Variants in XKR6 observed in about 807,000 individuals in gnomAD.
XKR6 encodes XK-related protein 6.
In XKR6, 22 loss-of-function variants were observed where a neutral mutation model predicts 56.7. That is an observed-to-expected ratio of 0.39 (90% CI 0.28 to 0.55). XKR6 has a LOEUF of 0.55. XKR6 is among the 20% of genes least tolerant of loss of function. XKR6 has a pLI of 0.66. For synonymous variants in XKR6, 524 were observed against 387.8 expected (o/e 1.35, Z -4.13); for missense variants, 852 against 889.0 (o/e 0.96, Z 0.53).
chr8:11,083,595 G>T (rs1156969157), intron 1 of XKR6, among the ~76,000 whole-genome samples: 1 of 152,176 alleles, frequency 6.6e-6, no homozygotes, highest in Non-Finnish European at 1.5e-5. Flanking sequence ...GGGGGGCCTG[G>T]GGATGCTTCA....
At chr8:10,977,066 C>T (rs1395658379) in intron 1 of XKR6, among the ~76,000 whole-genome samples, 1 of 152,146 alleles carries the variant, frequency 6.6e-6, no homozygotes, top group African/African-American at 2.4e-5. Flanking sequence ...GGCCAGGTGA[C>T]ATGCCCAAGA....
intron 1 of XKR6, chr8:11,123,766 A>AT (rs1799601340): frequency 2.3e-6 from 1 of 432,680 alleles, no homozygotes; most frequent in Non-Finnish European, 4.7e-6. Flanking sequence ...AAAACAAAAA[A>AT]TGAAAAACAA....
intron 1 of XKR6, among the ~76,000 whole-genome samples, chr8:11,190,204 A>AAAAGAAAGAAAGAAAGAAAGAAAAG (rs34031400): frequency 3.3e-5 from 4 of 120,924 alleles, no homozygotes; most frequent in African/African-American, 1.5e-4. Context: ...AGAAAGAAAG[A>AAAAGAAAGAAAGAAAGAAAGAAAAG]AAAGAAAGAA....
chr8:11,107,932 G>A (rs7832722), intron 1 of XKR6: 82,796 of 260,770 alleles, frequency 0.32, 14,875 homozygotes, highest in Non-Finnish European at 0.4. Flanking sequence ...CCTCCCGCAT[G>A]TGCGGCGGCA....
chr8:11,157,769 C>G (rs1801593284), intron 1 of XKR6, among the ~76,000 whole-genome samples: 1 of 152,148 alleles, frequency 6.6e-6, no homozygotes, highest in Non-Finnish European at 1.5e-5. Context: ...TCCATCTTGG[C>G]CTCCGAAAGT....
At chr8:11,028,720 A>T (rs906244910) in intron 1 of XKR6, among the ~76,000 whole-genome samples, 1 of 152,196 alleles carries the variant, frequency 6.6e-6, no homozygotes, top group Non-Finnish European at 1.5e-5. Context: ...ATTACAGCTC[A>T]TGGCAAGCAC....
chr8:11,136,468 C>T (rs1048311062), intron 1 of XKR6, among the ~76,000 whole-genome samples: 3 of 149,074 alleles, frequency 2.0e-5, no homozygotes, highest in African/African-American at 7.4e-5. Context: ...TGCGCCATTG[C>T]ACTCCAGCCC....
intron 1 of XKR6, among the ~76,000 whole-genome samples, chr8:11,162,940 A>C (rs1197265333): frequency 1.3e-5 from 2 of 152,248 alleles, no homozygotes. Context: ...CCTTATTCTC[A>C]GTCTAGCTAA....
intron 1 of XKR6, among the ~76,000 whole-genome samples, chr8:11,023,969 C>T (rs1247039703): frequency 6.6e-6 from 1 of 152,182 alleles, no homozygotes; most frequent in African/African-American, 2.4e-5. Flanking sequence ...ATTGTGGCTG[C>T]AGATGAGCTT....
intron 1 of XKR6, among the ~76,000 whole-genome samples, chr8:10,944,721 C>T (rs183033897): frequency 2.1e-4 from 32 of 152,314 alleles, no homozygotes; most frequent in African/African-American, 7.5e-4. Flanking sequence ...CCACCCTGCA[C>T]ACACCCTGCC....
chr8:11,183,943 A>C (rs1208856165), intron 1 of XKR6, among the ~76,000 whole-genome samples: 1 of 152,186 alleles, frequency 6.6e-6, no homozygotes, highest in Non-Finnish European at 1.5e-5. Flanking sequence ...ACAAGTCAGG[A>C]CTGTCTGTAG....
chr8:10,900,964 C>G, intron 2 of XKR6, among the ~76,000 whole-genome samples: 1 of 149,978 alleles, frequency 6.7e-6, no homozygotes, highest in Admixed American at 6.7e-5. Flanking sequence ...AAGTGATCCT[C>G]CCGTCTCCCA....
At chr8:11,081,606 G>C (rs1485413267) in intron 1 of XKR6, among the ~76,000 whole-genome samples, 1 of 152,104 alleles carries the variant, frequency 6.6e-6, no homozygotes, top group African/African-American at 2.4e-5. Flanking sequence ...ACAAGTCCTC[G>C]GCAGTAACTT....
chr8:11,073,405 GAGA>G (rs1011507091), intron 1 of XKR6, among the ~76,000 whole-genome samples: 11 of 152,280 alleles, frequency 7.2e-5, no homozygotes, highest in East Asian at 1.9e-4. Flanking sequence ...GTCTTTGGAG[GAGA>G]AGAAGACCTG....
chr8:10,983,924 G>A (rs1797793394), intron 1 of XKR6, among the ~76,000 whole-genome samples: 1 of 152,014 alleles, frequency 6.6e-6, no homozygotes, highest in South Asian at 2.1e-4. Flanking sequence ...CAAAGTGCTG[G>A]GATTACAGGT....
At chr8:11,131,394 AG>A (rs1264658589) in intron 1 of XKR6, among the ~76,000 whole-genome samples, 2 of 152,156 alleles carry the variant, frequency 1.3e-5, no homozygotes, top group African/African-American at 4.8e-5. Context: ...TTAACATAGA[AG>A]GCATGATGAA....
chr8:11,037,427 G>A (rs540666882), intron 1 of XKR6, among the ~76,000 whole-genome samples: 114 of 152,260 alleles, frequency 7.5e-4, no homozygotes, highest in Middle Eastern at 3.4e-3. Flanking sequence ...GCTGTGCCAT[G>A]TTGTCCAGGC....
At chr8:10,995,561 GC>G (rs1798092794) in intron 1 of XKR6, among the ~76,000 whole-genome samples, 1 of 150,184 alleles carries the variant, frequency 6.7e-6, no homozygotes, top group South Asian at 2.1e-4. Context: ...GGTGGCACAC[GC>G]CTGTGGTCCC....
At position 11,179,024 on chromosome 8, in the gene XKR6, T is replaced by C. The variant is rs75450069; in HGVS notation, c.764+21552A>G. Among the ~76,000 whole-genome samples the C allele has an allele frequency of 5.9e-4, 85 of 145,156 alleles. No individual in the cohort carries two copies. In the East Asian group the frequency reaches 0.016, roughly 28 times the overall value. ...CACCTGGCTAATTTTCTTTTTCTTT[T>C]TTTTTTTTTTTTTTTGGAGAGCTAG... On this transcript the variant is annotated intron_variant, in intron 1 of 2. Coordinates refer to ENST00000416569, the MANE Select transcript of XKR6 (RefSeq NM_173683.4).
Sources: gnomAD v4.1 joint callset for allele counts (sites outside exome capture counted in the v4.1 genomes callset) on GRCh38, gnomAD v4.1.1 for gene constraint, MANE v1.5 for transcripts, NCBI Gene and HGNC (gene_info 2026-07-23, HGNC 2026-07-21) for gene names.